The following PPFIBP1 variants were observed in gnomAD, a reference collection of about 807,000 sequenced individuals.
The protein encoded by PPFIBP1 is liprin-beta-1.
In PPFIBP1, 112 loss-of-function variants were observed where a neutral mutation model predicts 137.8. That is an observed-to-expected ratio of 0.81 (90% CI 0.70 to 0.95). The LOEUF (loss-of-function observed/expected upper bound fraction) is 0.95. Ranked by LOEUF, PPFIBP1 falls within the 40% of genes least tolerant of loss-of-function variation. PPFIBP1 has a pLI of 0.00. For synonymous variants in PPFIBP1, 378 were observed against 417.3 expected (o/e 0.91, Z 1.15); for missense variants, 1,083 against 1,196.6 (o/e 0.91, Z 1.40).
intron 2 of PPFIBP1, among the ~76,000 whole-genome samples, chr12:27,611,505 G>T (rs1003641713): frequency 3.9e-5 from 6 of 152,138 alleles, no homozygotes; most frequent in South Asian, 2.1e-4. Context: ...TCCAAATAAG[G>T]TCACATGCTG....
chr12:27,685,212 AGTAT>A (rs1566015243), intron 24 of PPFIBP1, among the ~76,000 whole-genome samples: 1 of 149,514 alleles, frequency 6.7e-6, no homozygotes, highest in African/African-American at 2.6e-5. Flanking sequence ...AGATACATAG[AGTAT>A]GTATATATAT....
At chr12:27,664,128 T>C (rs1372622487) in intron 11 of PPFIBP1, among the ~76,000 whole-genome samples, 1 of 152,244 alleles carries the variant, frequency 6.6e-6, no homozygotes, top group Non-Finnish European at 1.5e-5. Flanking sequence ...TTTGCCCATA[T>C]GTTTAATGTA....
intron 2 of PPFIBP1, among the ~76,000 whole-genome samples, chr12:27,611,785 GCTCTCTCT>G (rs10549025): frequency 1.4e-3 from 194 of 138,118 alleles, no homozygotes; most frequent in South Asian, 2.8e-3. Flanking sequence ...TCAACACTGT[GCTCTCTCT>G]CTCTCTCTCT....
At chr12:27,599,374 C>T (rs1439990973) in intron 2 of PPFIBP1, 6 of 445,798 alleles carry the variant, frequency 1.3e-5, no homozygotes, top group African/African-American at 4.0e-5. Flanking sequence ...TATCAGCCCT[C>T]CTGCTTATCA....
chr12:27,672,321 A>C, intron 14 of PPFIBP1, 106 bp from the exon 15 acceptor site: 2 of 823,900 alleles, frequency 2.4e-6, no homozygotes, highest in Non-Finnish European at 3.9e-6. Context: ...AAATAGAAAT[A>C]GCTTCCTTTG....
intron 11 of PPFIBP1, among the ~76,000 whole-genome samples, chr12:27,661,188 C>T (rs923015388): frequency 6.6e-6 from 1 of 152,150 alleles, no homozygotes; most frequent in African/African-American, 2.4e-5. Flanking sequence ...TGATCAGTTC[C>T]GCATATTCAC....
At chr12:27,575,585 T>C (rs756745512) in intron 1 of PPFIBP1, among the ~76,000 whole-genome samples, 1 of 152,202 alleles carries the variant, frequency 6.6e-6, no homozygotes, top group Admixed American at 6.5e-5. Context: ...GTGGGCAGGA[T>C]GTTAAGAGTT....
At chr12:27,550,713 T>C (rs1320728547) in intron 1 of PPFIBP1, among the ~76,000 whole-genome samples, 1 of 152,138 alleles carries the variant, frequency 6.6e-6, no homozygotes, top group East Asian at 1.9e-4. Flanking sequence ...CCTTTAAAAT[T>C]AACGAAATGT....
intron 2 of PPFIBP1, among the ~76,000 whole-genome samples, chr12:27,619,944 C>T (rs1172408249): frequency 6.6e-6 from 1 of 151,396 alleles, no homozygotes; most frequent in Non-Finnish European, 1.5e-5. Flanking sequence ...TATGTGTATT[C>T]ACACATACAT....
intron 1 of PPFIBP1, among the ~76,000 whole-genome samples, chr12:27,535,400 GTTGTTGTTTGT>G (rs1944879879): frequency 6.7e-6 from 1 of 148,848 alleles, no homozygotes; most frequent in South Asian, 2.1e-4. Context: ...TTTTGTTGTT[GTTGTTGTTTGT>G]TTTGTTTTGT....
At chr12:27,649,672 T>C (rs1305854547) in intron 6 of PPFIBP1, among the ~76,000 whole-genome samples, 2 of 152,062 alleles carry the variant, frequency 1.3e-5, no homozygotes, top group Non-Finnish European at 2.9e-5. Context: ...TGCCTCAGCC[T>C]CTCAAGTAGC....
At chr12:27,643,573 C>G (rs1361257078) in intron 4 of PPFIBP1, among the ~76,000 whole-genome samples, 1 of 119,954 alleles carries the variant, frequency 8.3e-6, no homozygotes, top group Admixed American at 8.3e-5. Flanking sequence ...AAAGACGGTC[C>G]GTGCAGAAGG....
intron 1 of PPFIBP1, among the ~76,000 whole-genome samples, chr12:27,559,110 C>T (rs2048948464): frequency 6.6e-6 from 1 of 152,090 alleles, no homozygotes; most frequent in African/African-American, 2.4e-5. Flanking sequence ...TCAAGCGATC[C>T]TCCTGCCTTA....
intron 10 of PPFIBP1, 121 bp from the exon 11 acceptor site, chr12:27,660,763 A>G: frequency 7.1e-7 from 1 of 1,409,168 alleles, no homozygotes; most frequent in Non-Finnish European, 9.4e-7. Flanking sequence ...CTTTTTAAAG[A>G]ATAAATGAAA....
intron 2 of PPFIBP1, among the ~76,000 whole-genome samples, chr12:27,607,272 C>A (rs2054612211): frequency 1.3e-5 from 2 of 152,190 alleles, no homozygotes; most frequent in African/African-American, 4.8e-5. Flanking sequence ...GGGGCCAATG[C>A]CACCAACAAT....
intron 10 of PPFIBP1, among the ~76,000 whole-genome samples, chr12:27,660,029 A>T (rs1441894911): frequency 2.0e-5 from 3 of 148,790 alleles, no homozygotes; most frequent in African/African-American, 5.0e-5. Context: ...TGAATTTTTT[A>T]GTTTGTGATT....
intron 2 of PPFIBP1, among the ~76,000 whole-genome samples, chr12:27,626,030 A>G (rs1030142980): frequency 1.2e-4 from 18 of 151,992 alleles, no homozygotes; most frequent in Non-Finnish European, 5.9e-5. Context: ...TGCTGCCAAC[A>G]TCCCCTACCT....
intron 24 of PPFIBP1, among the ~76,000 whole-genome samples, chr12:27,687,115 C>T (rs2061250824): frequency 6.6e-6 from 1 of 152,182 alleles, no homozygotes; most frequent in African/African-American, 2.4e-5. Flanking sequence ...GCTTTTCTAA[C>T]TGTGTTTTTC....
intron 1 of PPFIBP1, among the ~76,000 whole-genome samples, chr12:27,544,433 C>T (rs994807076): frequency 1.3e-5 from 2 of 152,194 alleles, no homozygotes; most frequent in Non-Finnish European, 2.9e-5. Context: ...GCAAAATAAA[C>T]TGTCGTCGGA....
Sources: allele counts gnomAD v4.1 joint callset (sites outside exome capture counted in the v4.1 genomes callset), GRCh38; gene constraint gnomAD v4.1.1; transcripts MANE v1.5; gene names NCBI Gene and HGNC (gene_info 2026-07-23, HGNC 2026-07-21).